RD3: variants seen among roughly 807,000 people sequenced by gnomAD.
The protein encoded by RD3 is protein RD3.
A neutral mutation model predicts 16.9 loss-of-function variants in RD3; 11 were observed. That is an observed-to-expected ratio of 0.65 (90% confidence interval 0.41 to 1.08). RD3 has a LOEUF of 1.08. Ranked by LOEUF, RD3 falls within the 50% of genes least tolerant of loss-of-function variation. The pLI is 0.00. For missense variants in RD3, 274 were observed against 267.4 expected, an observed-to-expected ratio of 1.02 and a Z score of -0.17; for synonymous variants, 116 against 114.8, an observed-to-expected ratio of 1.01 and a Z score of -0.07.
chr1:211,485,721 G>A (rs1572144398), intron 1 of RD3, among the ~76,000 whole-genome samples: 1 of 152,160 alleles, frequency 6.6e-6, no homozygotes, highest in African/African-American at 2.4e-5. Context: ...AAGCCCCAAG[G>A]CCCCCGCACT....
intron 1 of RD3, among the ~76,000 whole-genome samples, chr1:211,486,521 C>A (rs1705378278): frequency 6.7e-6 from 1 of 149,574 alleles, no homozygotes; most frequent in South Asian, 2.1e-4. Context: ...ATTAGGATAA[C>A]TGAGGAAATC....
intron 1 of RD3, among the ~76,000 whole-genome samples, chr1:211,487,649 C>T (rs942602937): frequency 1.3e-5 from 2 of 152,240 alleles, no homozygotes; most frequent in Middle Eastern, 3.2e-3. Context: ...TACCTGATGG[C>T]CTGCGTTGTT....
chr1:211,488,094 G>A (rs2102372860), intron 1 of RD3, among the ~76,000 whole-genome samples: 1 of 152,306 alleles, frequency 6.6e-6, no homozygotes, highest in Middle Eastern at 3.4e-3. Flanking sequence ...TTATAAAATG[G>A]TGTTCAGACA....
At chr1:211,482,222 A>G (rs1323966091) in intron 1 of RD3, among the ~76,000 whole-genome samples, 3 of 89,564 alleles carry the variant, frequency 3.3e-5, no homozygotes, top group African/African-American at 7.5e-5. Context: ...AACTCCGTTT[A>G]AAAAAAAAAC....
Position 211,488,691 on chromosome 1 carries a change from T to A in RD3, c.-12+3077A>T, listed in dbSNP as rs370859128. On this transcript the variant is annotated intron_variant, in intron 1 of 2. Transcript: ENST00000680073. Reference sequence around the variant, plus strand: ...CTGCTTGTTAAGACCCCTATCCATCTTGGGGTCCTTAGTAAGAATCTTTGG... The same window carrying A: ...CTGCTTGTTAAGACCCCTATCCATCATGGGGTCCTTAGTAAGAATCTTTGG... Among the ~76,000 whole-genome samples, 28 of 152,356 alleles carry A rather than the reference T, an allele frequency of 1.8e-4. No homozygotes were observed. In the South Asian group the frequency reaches 5.0e-3, roughly 27 times the overall value.
At chr1:211,487,335 G>A (rs371457994) in intron 1 of RD3, among the ~76,000 whole-genome samples, 7 of 152,100 alleles carry the variant, frequency 4.6e-5, no homozygotes, top group East Asian at 3.9e-4. Context: ...ATAAGCTTCC[G>A]AACCACAGTG....
In RD3 at chr1:211,478,745, G is replaced by A. The variant is rs968537084; in HGVS notation, c.*291C>T. ...ACCAGGAGATGAGGATGGGGCAATG[G>A]TCTGTCTTCCAAAACCTTGAATCTG... On this transcript the variant is annotated 3_prime_UTR_variant, in exon 3 of 3. Coordinates refer to ENST00000680073, the MANE Select transcript of RD3 (RefSeq NM_001164688.2). 4 of 460,514 alleles carry A rather than the reference G, an allele frequency of 8.7e-6. No homozygotes were observed. The highest frequency in any genetic ancestry group is 5.9e-5 in the African/African-American group (3 of 50,636). 28.5% of individuals were successfully genotyped at this position (460,514 alleles called of 1,614,324 possible). A position where few individuals can be genotyped will look rare whatever the true frequency, so the allele number is the denominator to read the frequency against.
chr1:211,485,802 C>T (rs532453330), intron 1 of RD3, among the ~76,000 whole-genome samples: 1 of 152,290 alleles, frequency 6.6e-6, no homozygotes, highest in South Asian at 2.1e-4. Flanking sequence ...GGTTCCCACT[C>T]AGTCAAAGGC....
rs777381794 is a variant in RD3 at position 211,481,434 on chromosome 1, G to C, written c.-11-8C>G. 1.9e-6 allele frequency: 3 copies of C among 1,611,366 alleles called. No homozygotes were observed. The South Asian group carries it at 3.3e-5, about 18-fold the overall frequency. ...GAGACATAGCCCCTGGCCCTGCTGA[G>C]ACAGGACAGATGTGCATCTTTCCTG... On this transcript the variant is annotated splice_polypyrimidine_tract_variant and splice_region_variant and intron_variant, in intron 1 of 2. Transcript: ENST00000680073.
chr1:211,478,896 AGC>A lies in RD3; in HGVS notation c.*138_*139del. 1.4e-6 allele frequency: 1 copy of A among 709,674 alleles called. No individual in the cohort carries two copies. Among genetic ancestry groups the A allele is most frequent in the Non-Finnish European group, 2.2e-6 (1 of 446,384 alleles). 44.0% of individuals were successfully genotyped at this position (709,674 alleles called of 1,614,324 possible). A position where few individuals can be genotyped will look rare whatever the true frequency, so the allele number is the denominator to read the frequency against. On this transcript the variant is annotated 3_prime_UTR_variant, in exon 3 of 3. Coordinates refer to ENST00000680073, the MANE Select transcript of RD3 (RefSeq NM_001164688.2). ...GGGGCAGGGAGTCGCTTCATTTTAT[AGC>A]AGCGTCTTGGGATGGGGCCGCCTCT...
intron 2 of RD3, among the ~76,000 whole-genome samples, 165 bp downstream of exon 2, chr1:211,480,955 G>A (rs571640051): frequency 1.1e-4 from 17 of 152,282 alleles, no homozygotes; most frequent in African/African-American, 2.9e-4. Context: ...CTAGTCCAGC[G>A]TTTCATGGTC....
intron 1 of RD3, among the ~76,000 whole-genome samples, chr1:211,490,807 C>T (rs12144174): frequency 0.024 from 3,726 of 152,270 alleles, 77 homozygotes; most frequent in Middle Eastern, 0.065. Flanking sequence ...TCCCTGCAGC[C>T]GGCCCCTCAC....
At chr1:211,483,840 A>G (rs1402458119) in intron 1 of RD3, among the ~76,000 whole-genome samples, 4 of 152,090 alleles carry the variant, frequency 2.6e-5, no homozygotes, top group African/African-American at 7.2e-5. Flanking sequence ...TTAAAAGTCT[A>G]TGGGTTAGAT....
chr1:211,482,775 C>T (rs972066298), intron 1 of RD3, among the ~76,000 whole-genome samples: 2 of 151,910 alleles, frequency 1.3e-5, no homozygotes, highest in African/African-American at 4.9e-5. Flanking sequence ...ATGACATTCC[C>T]GAGCTAAAGC....
chr1:211,489,356 C>T (rs1272003512), intron 1 of RD3, among the ~76,000 whole-genome samples: 2 of 151,880 alleles, frequency 1.3e-5, no homozygotes, highest in Non-Finnish European at 2.9e-5. Flanking sequence ...GAATGAGGGT[C>T]ATAGACCACA....
chr1:211,480,679 C>CAT (rs1475363699), intron 2 of RD3, among the ~76,000 whole-genome samples: 1 of 147,830 alleles, frequency 6.8e-6, no homozygotes, highest in Non-Finnish European at 1.5e-5. Flanking sequence ...CACACACACA[C>CAT]ACACTCACCT....
intron 2 of RD3, 89 bp downstream of exon 2, chr1:211,481,031 C>G: frequency 7.3e-7 from 1 of 1,374,466 alleles, no homozygotes; most frequent in Non-Finnish European, 1.0e-6. Context: ...GGCTCCCTGA[C>G]TCTAGTCCTG....
rs754458851 is a variant in RD3 at position 211,479,254 on chromosome 1, C to A, written c.370G>T (p.Glu124Ter). ...TCCTGCTTCATCCTCTCCAGGACCTCCTGCAGCACCGAGCGGAAGAGCTGG... is the reference window on the plus strand; with the variant it reads ...TCCTGCTTCATCCTCTCCAGGACCTACTGCAGCACCGAGCGGAAGAGCTGG... Reference protein sequence around the residue: ...VSQLFRSVLQEVLERMKQEEE... With the variant: ...VSQLFRSVLQ Residue 124 changes from glutamate (E) to a stop codon, truncating the protein, a stop_gained, in exon 3 of 3, where the codon GAG (glutamate) becomes TAG (stop). Coordinates refer to ENST00000680073, the MANE Select transcript of RD3 (RefSeq NM_001164688.2). LOFTEE classifies it high-confidence loss of function. 2 of 1,607,402 alleles carry A rather than the reference C, an allele frequency of 1.2e-6. No individual in the cohort carries two copies. The highest frequency in any genetic ancestry group is 1.7e-6 in the Non-Finnish European group (2 of 1,177,094).
chr1:211,487,997 A>G (rs549729942), intron 1 of RD3, among the ~76,000 whole-genome samples: 1 of 152,342 alleles, frequency 6.6e-6, no homozygotes, highest in Non-Finnish European at 1.5e-5. Context: ...CTGTGTAAGC[A>G]GTGCAGGGTG....
Sources: allele counts gnomAD v4.1 joint callset (sites outside exome capture counted in the v4.1 genomes callset), GRCh38; gene constraint gnomAD v4.1.1; transcripts MANE v1.5; gene names NCBI Gene and HGNC (gene_info 2026-07-23, HGNC 2026-07-21).